The following NHS variants were observed in gnomAD, a reference collection of about 807,000 sequenced individuals.
NHS encodes NHS actin remodeling regulator.
A neutral mutation model predicts 72.5 loss-of-function variants in NHS; 5 were observed. That is an observed-to-expected ratio of 0.07 (90% confidence interval 0.04 to 0.14). The LOEUF (loss-of-function observed/expected upper bound fraction) is 0.14. Ranked by LOEUF, NHS falls within the 10% of genes least tolerant of loss-of-function variation. The pLI is 1.00. For synonymous variants in NHS, 464 were observed against 547.7 expected, an observed-to-expected ratio of 0.85 and a Z score of 2.13; for missense variants, 1,072 against 1,355.7, an observed-to-expected ratio of 0.79 and a Z score of 3.29.
intron 1 of NHS, among the ~76,000 whole-genome samples, chrX:17,430,338 T>TTTCTTTC (rs1199511935): frequency 8.7e-5 from 8 of 91,788 alleles, no homozygotes; most frequent in African/African-American, 3.4e-4. Flanking sequence ...CTTTTTCTTC[T>TTTCTTTC]CTTTCTTTCT....
rs149443608 is a variant in NHS at position 17,537,337 on chromosome X, A to G, written c.566-150405A>G. Among the ~76,000 whole-genome samples, 409 of 111,757 alleles carry G rather than the reference A, an allele frequency of 3.7e-3. 6 individuals carry two copies. Among genetic ancestry groups the G allele is most frequent in the African/African-American group, 0.013 (390 of 30,663 alleles). On this transcript the variant is annotated intron_variant, in intron 1 of 8. Transcript: ENST00000676302. The stretch of plus-strand genomic sequence containing the variant: ...ATGAAATTCCTGTGATTAAAGGTTT[A>G]AACTGGAGCAAATCTACACCTAGAA...
chrX:17,649,376 T>C (rs1310410414), intron 1 of NHS, among the ~76,000 whole-genome samples: 1 of 111,562 alleles, frequency 9.0e-6, no homozygotes, highest in African/African-American at 3.3e-5. Flanking sequence ...ACCATGTTTT[T>C]TCAGAAAGGA....
intron 1 of NHS, among the ~76,000 whole-genome samples, chrX:17,612,897 C>T (rs1231643739): frequency 9.0e-6 from 1 of 111,661 alleles, no homozygotes; most frequent in East Asian, 2.8e-4. Flanking sequence ...GCATTTCTCT[C>T]CCATGTGCAC....
chrX:17,524,513 A>T (rs749042695), intron 1 of NHS, among the ~76,000 whole-genome samples: 3 of 112,574 alleles, frequency 2.7e-5, no homozygotes, highest in Non-Finnish European at 3.7e-5. Flanking sequence ...AATCAAGAAC[A>T]GTTCATAACT....
At chrX:17,445,552 T>C (rs1223325738) in intron 1 of NHS, among the ~76,000 whole-genome samples, 1 of 111,215 alleles carries the variant, frequency 9.0e-6, no homozygotes, top group Non-Finnish European at 1.9e-5. Flanking sequence ...GATCTTGGAC[T>C]CTTGGCAGAG....
In NHS at chrX:17,457,912, A is replaced by G. The variant is rs115860541; in HGVS notation, c.565+81590A>G. 8.9e-3 allele frequency among the ~76,000 whole-genome samples: 1,000 copies of G among 112,172 alleles called. 15 individuals carry two copies. The highest frequency in any genetic ancestry group is 0.031 in the African/African-American group (963 of 30,862). On this transcript the variant is annotated intron_variant, in intron 1 of 8. Coordinates refer to ENST00000676302, the MANE Select transcript of NHS (RefSeq NM_001291867.2). ...CATTGATTTTTGATAAGGCAGAGAAATGCACAACCAAGACATGAAACTTTG... is the reference window on the plus strand; with the variant it reads ...CATTGATTTTTGATAAGGCAGAGAAGTGCACAACCAAGACATGAAACTTTG...
In NHS at chrX:17,470,655, A is replaced by G. The variant is rs148814645; in HGVS notation, c.565+94333A>G. Among the ~76,000 whole-genome samples the G allele has an allele frequency of 1.5e-3, 165 of 111,160 alleles. 1 individual carries two copies. The highest frequency in any genetic ancestry group is 5.0e-3 in the African/African-American group (152 of 30,523). On this transcript the variant is annotated intron_variant, in intron 1 of 8. Coordinates refer to ENST00000676302, the MANE Select transcript of NHS (RefSeq NM_001291867.2). Reference sequence around the variant, plus strand: ...TCCAGCTACCACTGGCTTCCTAAATATGCCACAGGTCCTTTGCACTTATTG... The same window carrying G: ...TCCAGCTACCACTGGCTTCCTAAATGTGCCACAGGTCCTTTGCACTTATTG...
chrX:17,546,139 A>G (rs1234917791), intron 1 of NHS, among the ~76,000 whole-genome samples: 2 of 111,812 alleles, frequency 1.8e-5, no homozygotes, highest in Non-Finnish European at 1.9e-5. Context: ...GTACAGTGAG[A>G]CTGGCTCAGG....
chrX:17,471,923 A>G (rs1446420316), intron 1 of NHS, among the ~76,000 whole-genome samples: 3 of 111,416 alleles, frequency 2.7e-5, no homozygotes, highest in Non-Finnish European at 5.7e-5. Flanking sequence ...GAGGGAATTG[A>G]TGGGAGCTCC....
intron 1 of NHS, among the ~76,000 whole-genome samples, chrX:17,439,452 T>C (rs2064741488): frequency 9.0e-6 from 1 of 111,702 alleles, no homozygotes; most frequent in Admixed American, 9.5e-5. Flanking sequence ...TGTCCTCATA[T>C]TTTAATATAT....
intron 1 of NHS, among the ~76,000 whole-genome samples, chrX:17,392,393 A>G (rs1213207005): frequency 8.9e-6 from 1 of 112,462 alleles, no homozygotes; most frequent in Non-Finnish European, 1.9e-5. Flanking sequence ...ACTAACACAG[A>G]GGTACAGTGC....
At chrX:17,486,298 A>G (rs1385512541) in intron 1 of NHS, among the ~76,000 whole-genome samples, 1 of 112,446 alleles carries the variant, frequency 8.9e-6, no homozygotes, top group Non-Finnish European at 1.9e-5. Context: ...AGCTGTAGCT[A>G]GATAGTAAAA....
chrX:17,410,214 G>A (rs2064550643), intron 1 of NHS, among the ~76,000 whole-genome samples: 1 of 111,057 alleles, frequency 9.0e-6, no homozygotes, highest in Non-Finnish European at 1.9e-5. Context: ...GGCTGTGTCT[G>A]AGGGTGGTCT....
chrX:17,376,365 C>A (rs1043265133), intron 1 of NHS, 43 bp downstream of exon 1: 225 of 1,088,352 alleles, frequency 2.1e-4, no homozygotes, highest in Non-Finnish European at 2.5e-4. Context: ...TGGGTTTCTG[C>A]GCCGCACCCT....
Position 17,732,222 on chromosome X carries a change from G to A in NHS, c.4714G>A (p.Ala1572Thr), listed in dbSNP as rs1321517392. ...CCATCAGGGGTCACAAGGGGCTGAG[G>A]CATTGTCCCCACTCTCTCCATGCTC... ...DAHQGSQGAE[A>T]LSPLSPCSPR... The change falls in exon 9 of 9, where the codon GCA becomes ACA. Residue 1572 changes from alanine to threonine, a missense_variant. Transcript: ENST00000676302. The A allele has an allele frequency of 1.7e-6, 2 of 1,210,170 alleles. No individual in the cohort carries two copies. Among genetic ancestry groups the A allele is most frequent in the African/African-American group, 3.5e-5 (2 of 57,183 alleles).
At chrX:17,616,699 A>G (rs1450408822) in intron 1 of NHS, among the ~76,000 whole-genome samples, 1 of 112,871 alleles carries the variant, frequency 8.9e-6, no homozygotes, top group Non-Finnish European at 1.9e-5. Context: ...ATTTCATAAA[A>G]TTTACAGTTG....
chrX:17,715,566 GA>G (rs955766704), intron 3 of NHS, among the ~76,000 whole-genome samples: 4 of 112,498 alleles, frequency 3.6e-5, no homozygotes, highest in African/African-American at 1.3e-4. Context: ...TAGATCAAAT[GA>G]TAGTTCTACT....
chrX:17,549,875 G>T (rs756254976), intron 1 of NHS, among the ~76,000 whole-genome samples: 2 of 111,315 alleles, frequency 1.8e-5, no homozygotes, highest in Non-Finnish European at 1.9e-5. Flanking sequence ...CACATCTTTG[G>T]TCTGGATGGG....
chrX:17,415,039 G>A (rs1374482466), intron 1 of NHS, among the ~76,000 whole-genome samples: 1 of 111,209 alleles, frequency 9.0e-6, no homozygotes, highest in Non-Finnish European at 1.9e-5. Flanking sequence ...TGCCCCGGGA[G>A]GTTGTGGGAT....
Sources: allele counts gnomAD v4.1 joint callset (sites outside exome capture counted in the v4.1 genomes callset), GRCh38; gene constraint gnomAD v4.1.1; transcripts MANE v1.5; gene names NCBI Gene and HGNC (gene_info 2026-07-23, HGNC 2026-07-21).